KCNU1: variants seen among roughly 807,000 people sequenced by gnomAD.
KCNU1 encodes the protein potassium channel subfamily U member 1.
KCNU1 carries 93 observed loss-of-function variants against 126.8 expected under a neutral mutation model. The observed-to-expected ratio is 0.73, with a 90% CI of 0.62 to 0.87. The LOEUF is 0.87. Ranked by LOEUF, KCNU1 falls within the 40% of genes least tolerant of loss-of-function variation. The pLI is 0.00. For missense variants in KCNU1, 1,330 were observed against 1,367.1 expected, an observed-to-expected ratio of 0.97 and a Z score of 0.43; for synonymous variants, 523 against 494.2, an observed-to-expected ratio of 1.06 and a Z score of -0.77.
In KCNU1 at chr8:36,935,923, C is replaced by CCTG; in HGVS notation, c.*3_*4insCTG. On this transcript the variant is annotated 3_prime_UTR_variant, in exon 27 of 27. Coordinates refer to ENST00000399881, the MANE Select transcript of KCNU1 (RefSeq NM_001031836.3). ...TTGCATATTCAGAGCCACTATAGAC[C>CCTG]TGCCCATATTCTTCACGTGCTCTTA... The CCTG allele has an allele frequency of 6.4e-7, 1 of 1,559,886 alleles. No individual in the cohort carries two copies. The highest frequency in any genetic ancestry group is 8.7e-7 in the Non-Finnish European group (1 of 1,154,868).
intron 7 of KCNU1, 122 bp from the exon 8 acceptor site, chr8:36,814,085 A>G: frequency 1.4e-6 from 1 of 699,244 alleles, no homozygotes; most frequent in Non-Finnish European, 2.4e-6. Flanking sequence ...AGCAACCTGA[A>G]AGCCATTTGG....
intron 2 of KCNU1, among the ~76,000 whole-genome samples, chr8:36,788,911 A>G (rs1308796757): frequency 6.6e-6 from 1 of 152,222 alleles, no homozygotes; most frequent in Non-Finnish European, 1.5e-5. Context: ...TGAGCATTGC[A>G]TATGGGAAGT....
Position 36,864,503 on chromosome 8 carries a change from T to C in KCNU1, c.1991T>C (p.Ile664Thr). The change falls in exon 19 of 27, where the codon ATA becomes ACA. Residue 664 changes from isoleucine to threonine, a missense_variant. This residue lies in a region of KCNU1 where 1,054 missense variants were observed against 1,053.9 expected (regional missense o/e 1.00). Coordinates refer to ENST00000399881, the MANE Select transcript of KCNU1 (RefSeq NM_001031836.3). The stretch of plus-strand genomic sequence containing the variant: ...AGGGTATCTGCAAGCACTTCGAGCA[T>C]ATCAAACTTCACCACCAGGTAAAAG... ...PPRVSASTSSISNFTTRTLQH... is the reference protein window; with the variant it reads ...PPRVSASTSSTSNFTTRTLQH... 3 of 1,608,894 alleles carry C rather than the reference T, an allele frequency of 1.9e-6. No homozygotes were observed. The highest frequency in any genetic ancestry group is 2.2e-5 in the South Asian group (2 of 90,964).
intron 22 of KCNU1, among the ~76,000 whole-genome samples, chr8:36,913,569 T>A (rs557869613): frequency 6.6e-6 from 1 of 152,102 alleles, no homozygotes; most frequent in African/African-American, 2.4e-5. Context: ...TCAGGTCTGC[T>A]TATCTGGCAC....
At chr8:36,895,192 C>T (rs569321051) in intron 19 of KCNU1, among the ~76,000 whole-genome samples, 2 of 151,958 alleles carry the variant, frequency 1.3e-5, no homozygotes, top group South Asian at 2.1e-4. Flanking sequence ...GAGTCTTCTG[C>T]CTCAGACTTC....
At chr8:36,904,268 C>T (rs1484639842) in intron 19 of KCNU1, among the ~76,000 whole-genome samples, 3 of 152,254 alleles carry the variant, frequency 2.0e-5, no homozygotes, top group South Asian at 4.2e-4. Flanking sequence ...CAGGCCAGGG[C>T]ACTCAGCTCA....
chr8:36,787,379 A>G lies in KCNU1; in HGVS notation c.269A>G (p.His90Arg), dbSNP rs777432651. The G allele has an allele frequency of 6.2e-7, 1 of 1,612,656 alleles. No homozygotes were observed. The highest frequency in any genetic ancestry group is 1.1e-5 in the South Asian group (1 of 90,842). Residue 90 changes from histidine (H) to arginine (R), a missense_variant, in exon 2 of 27, where the codon CAT (histidine) becomes CGT (arginine). By Grantham distance (29) the His-to-Arg change is conservative. Around this residue, in one of 3 missense-constraint regions of KCNU1, gnomAD observed 247 missense variants for 255.4 expected, o/e 0.97. Transcript: ENST00000399881. ...SLHFQGQFRD[H>R]IEMLLSAQTF... The stretch of plus-strand genomic sequence containing the variant: ...CACTTCCAGGGACAATTTCGTGATC[A>G]TATAGAAATGTTGCTTTCAGCCCAG...
chr8:36,869,546 G>A lies in KCNU1; in HGVS notation c.2009+5025G>A, dbSNP rs555803618. Among the ~76,000 whole-genome samples, 54 of 152,100 alleles carry A rather than the reference G, an allele frequency of 3.6e-4. 1 individual carries two copies. The South Asian group carries it at 0.011, about 30-fold the overall frequency. ...TCTCTCTTTGCCAATGTCCAAGTCAGCCTTAGTTCTTTCAAGGATAAGTGG... is the reference window on the plus strand; with the variant it reads ...TCTCTCTTTGCCAATGTCCAAGTCAACCTTAGTTCTTTCAAGGATAAGTGG... On this transcript the variant is annotated intron_variant, in intron 19 of 26. Transcript: ENST00000399881.
chr8:36,881,157 GC>G (rs1395880038), intron 19 of KCNU1, among the ~76,000 whole-genome samples: 4 of 152,304 alleles, frequency 2.6e-5, no homozygotes, highest in South Asian at 4.1e-4. Context: ...CCTTTCGGGA[GC>G]CCTTCTACAA....
intron 18 of KCNU1, among the ~76,000 whole-genome samples, chr8:36,859,014 A>C (rs551689926): frequency 3.3e-5 from 5 of 152,266 alleles, no homozygotes; most frequent in Admixed American, 6.5e-5. Flanking sequence ...TGGTACTGAG[A>C]TTCTAAAGCA....
chr8:36,810,898 A>G (rs1031823627), intron 7 of KCNU1, among the ~76,000 whole-genome samples: 1 of 152,226 alleles, frequency 6.6e-6, no homozygotes, highest in Non-Finnish European at 1.5e-5. Flanking sequence ...AGATTTTAGA[A>G]AAACTGGAAA....
chr8:36,806,194 G>A (rs1803496108), intron 4 of KCNU1, 75 bp from the exon 5 acceptor site: 1 of 826,630 alleles, frequency 1.2e-6, no homozygotes, highest in Admixed American at 2.6e-5. Flanking sequence ...AAATGCAGCT[G>A]AATAATGCTA....
chr8:36,878,858 T>C (rs1452226812), intron 19 of KCNU1, among the ~76,000 whole-genome samples: 1 of 147,992 alleles, frequency 6.8e-6, no homozygotes, highest in Admixed American at 6.8e-5. Flanking sequence ...ATAAAATATA[T>C]ATTTATATTG....
At chr8:36,928,246 T>C (rs1228165909) in intron 24 of KCNU1, among the ~76,000 whole-genome samples, 1 of 152,156 alleles carries the variant, frequency 6.6e-6, no homozygotes, top group East Asian at 1.9e-4. Flanking sequence ...CAGTTAAATA[T>C]GTAAAGCACA....
intron 11 of KCNU1, 26 bp downstream of exon 11, chr8:36,833,685 T>C: frequency 7.1e-7 from 1 of 1,404,022 alleles, no homozygotes; most frequent in South Asian, 1.2e-5. Context: ...TTTTGTTCCT[T>C]GTAGTTTTCC....
chr8:36,836,341 A>G lies in KCNU1; in HGVS notation c.1341A>G (p.Ile447Met), dbSNP rs752761170. ...ATGATTCTACCACCAGAATCATCAT[A>G]CAGATACTGCAATCCCATAACAAGG... ...KNYDSTTRII[I>M]QILQSHNKVY... Residue 447 changes from isoleucine (I) to methionine (M), a missense_variant, in exon 13 of 27, where the codon ATA becomes ATG. Transcript: ENST00000399881. 1.2e-6 allele frequency: 2 copies of G among 1,605,000 alleles called. No individual in the cohort carries two copies.
chr8:36,930,219 T>TG lies in KCNU1; in HGVS notation c.2737-731dup, dbSNP rs201862137. Among the ~76,000 whole-genome samples the TG allele has an allele frequency of 8.3e-4, 126 of 152,250 alleles. 3 individuals carry two copies. The East Asian group carries it at 0.023, about 28-fold the overall frequency. On this transcript the variant is annotated intron_variant, in intron 24 of 26. Coordinates refer to ENST00000399881, the MANE Select transcript of KCNU1 (RefSeq NM_001031836.3). ...CCAATGACCTTTCCATGTATGTTAA[T>TG]GCCTGGTCCACAATGAATGTGGTAG...
chr8:36,820,901 G>A (rs1278166686), intron 10 of KCNU1, among the ~76,000 whole-genome samples: 4 of 152,224 alleles, frequency 2.6e-5, no homozygotes, highest in South Asian at 4.1e-4. Context: ...CATTCTTCTC[G>A]GAAGCCTGAC....
At chr8:36,787,276 A>G in intron 1 of KCNU1, 30 bp from the exon 2 acceptor site, 1 of 1,580,192 alleles carries the variant, frequency 6.3e-7, no homozygotes, top group East Asian at 2.3e-5. Flanking sequence ...GATCCAGCTC[A>G]CATTGTCAAT....
Sources: gnomAD v4.1 joint callset for allele counts (sites outside exome capture counted in the v4.1 genomes callset) on GRCh38, gnomAD v4.1.1 for gene constraint, gnomAD v4.1.1 regional missense constraint, MANE v1.5 for transcripts, NCBI Gene and HGNC (gene_info 2026-07-23, HGNC 2026-07-21) for gene names.